Variants in POU6F1 observed in about 807,000 individuals in gnomAD.
POU6F1 encodes POU class 6 homeobox 1, also known as POU domain, class 6, transcription factor 1.
A neutral mutation model predicts 28.9 loss-of-function variants in POU6F1; 9 were observed. The observed-to-expected ratio is 0.31, with a 90% confidence interval of 0.19 to 0.54. The LOEUF (loss-of-function observed/expected upper bound fraction) is 0.54, where lower values mean the gene tolerates loss of function less well. Ranked by LOEUF, POU6F1 falls within the 20% of genes least tolerant of loss-of-function variation. POU6F1 has a pLI of 0.94. For missense variants in POU6F1, 338 were observed against 426.1 expected (o/e 0.79, Z 1.82); for synonymous variants, 173 against 171.1 (o/e 1.01, Z -0.09).
At chr12:51,194,192 A>C (rs1942647040) in intron 8 of POU6F1, among the ~76,000 whole-genome samples, 1 of 152,038 alleles carries the variant, frequency 6.6e-6, no homozygotes, top group Non-Finnish European at 1.5e-5. Flanking sequence ...ACACCTGGCT[A>C]ATTTTTGTAT....
chr12:51,215,320 C>T (rs1944225739), intron 1 of POU6F1, among the ~76,000 whole-genome samples: 1 of 151,568 alleles, frequency 6.6e-6, no homozygotes, highest in South Asian at 2.1e-4. Flanking sequence ...TTTGGGAGGC[C>T]GAGGCGGGCG....
At chr12:51,194,273 C>T (rs886671762) in intron 8 of POU6F1, among the ~76,000 whole-genome samples, 1 of 152,100 alleles carries the variant, frequency 6.6e-6, no homozygotes, top group African/African-American at 2.4e-5. Flanking sequence ...GTGATCCACC[C>T]GCCTCGGCCT....
rs1184463496 is a variant in POU6F1, at chr12:51,196,145, T to C, written c.1004A>G (p.Asn335Ser). The C allele has an allele frequency of 6.4e-7, 1 of 1,550,406 alleles. No individual in the cohort carries two copies. The highest frequency in any genetic ancestry group is 8.7e-7 in the Non-Finnish European group (1 of 1,151,360). ...QVIGTLPWVV[N>S]SASVAAPAPA... ...TGCTGGGGCCGCCACACTAGCTGAG[T>C]TCACTACCCATGGAAGGGTTCCAAT... The change falls in exon 8 of 11, where the codon AAC becomes AGC. Residue 335 changes from asparagine to serine, a missense_variant. By Grantham distance (46) the Asn-to-Ser change is conservative. Coordinates refer to ENST00000333640, the MANE Select transcript of POU6F1 (RefSeq NM_001330422.2).
intron 1 of POU6F1, among the ~76,000 whole-genome samples, chr12:51,208,236 C>T (rs551658884): frequency 2.0e-5 from 3 of 151,606 alleles, no homozygotes; most frequent in Non-Finnish European, 1.5e-5. Context: ...GCCTGGGAGG[C>T]AGAGGTTGCA....
Position 51,190,444 on chromosome 12 carries a change from G to A in POU6F1, c.1639C>T (p.Arg547Cys), listed in dbSNP as rs1942321854. 7 of 1,614,154 alleles carry A rather than the reference G, an allele frequency of 4.3e-6. No individual in the cohort carries two copies. Among genetic ancestry groups the A allele is most frequent in the African/African-American group, 2.7e-5 (2 of 75,018 alleles). ...VGGEPSKKRK[R>C]RTSFTPQAIE... ...GCCTGGGGGGTGAAGGAGGTGCGGC[G>A]TTTGCGTTTCTTGGAGGGCTCGCCT... Residue 547 changes from arginine (R) to cysteine (C), a missense_variant, in exon 11 of 11, where the codon CGC becomes TGC. By Grantham distance (180) the Arg-to-Cys change is radical. Around this residue, in one of 3 missense-constraint regions of POU6F1, gnomAD observed 126 missense variants for 176.5 expected, o/e 0.71. Coordinates refer to ENST00000333640, the MANE Select transcript of POU6F1 (RefSeq NM_001330422.2). The surrounding 1 kb of genome is among the most constrained non-coding windows in gnomAD (Gnocchi z 4.5).
Position 51,187,228 on chromosome 12 carries a change from T to A in POU6F1, c.*3019A>T, listed in dbSNP as rs976616946. On this transcript the variant is annotated 3_prime_UTR_variant, in exon 11 of 11. Coordinates refer to ENST00000333640, the MANE Select transcript of POU6F1 (RefSeq NM_001330422.2). ...ACTTCACCTGGATAAAATGCCGTGG[T>A]AATGCAGGGTCAAAGGCCCTAGCTG... The A allele has an allele frequency of 6.6e-5, 10 of 152,246 alleles. No homozygotes were observed. The highest frequency in any genetic ancestry group is 2.4e-4 in the African/African-American group (10 of 41,468). The allele number at this position is 152,246 out of a possible 1,614,324, so 9.4% of individuals were successfully genotyped here.
At chr12:51,194,046 A>G (rs1365247942) in intron 8 of POU6F1, among the ~76,000 whole-genome samples, 1 of 151,584 alleles carries the variant, frequency 6.6e-6, no homozygotes, top group Non-Finnish European at 1.5e-5. Flanking sequence ...TTTTTTTTTG[A>G]GACGGAGTCT....
At chr12:51,204,397 G>C in intron 2 of POU6F1, 29 bp from the exon 3 acceptor site, 1 of 399,104 alleles carries the variant, frequency 2.5e-6, no homozygotes. Flanking sequence ...GGCACTGTTG[G>C]GATAGGGGCC....
chr12:51,203,989 C>A (rs567816939), intron 3 of POU6F1, among the ~76,000 whole-genome samples, 184 bp downstream of exon 3: 1 of 152,152 alleles, frequency 6.6e-6, no homozygotes, highest in African/African-American at 2.4e-5. Context: ...AGAACTAAAG[C>A]TCCAGAAACA....
Position 51,192,445 on chromosome 12 carries a change from G to A in POU6F1, c.1206C>T (p.Thr402=), listed in dbSNP as rs765412173. 9 of 1,613,622 alleles carry A rather than the reference G, an allele frequency of 5.6e-6. No homozygotes were observed. The highest frequency in any genetic ancestry group is 4.4e-5 in the South Asian group (4 of 91,062). ...CAATGACCACAGCAGGCTGGGGCAC[G>A]GTTGGTGTGGGCTGGATGGGCTGCA... ...SEVQPIQPTP[T]VPQPAVVIAS... is the part of the protein sequence containing the mutation. Residue 402 remains threonine, a synonymous_variant, in exon 9 of 11, where the codon ACC becomes ACT. Coordinates refer to ENST00000333640, the MANE Select transcript of POU6F1 (RefSeq NM_001330422.2).
chr12:51,204,602 A>G (rs997841209), intron 2 of POU6F1, among the ~76,000 whole-genome samples: 1 of 152,162 alleles, frequency 6.6e-6, no homozygotes, highest in Non-Finnish European at 1.5e-5. Flanking sequence ...GAAGGGCCTG[A>G]CGCAAGCTAG....
In POU6F1 at chr12:51,204,175, G is replaced by A; in HGVS notation, c.242C>T (p.Thr81Ile). 1 of 399,146 alleles carries A rather than the reference G, an allele frequency of 2.5e-6. No homozygotes were observed. The highest frequency in any genetic ancestry group is 4.4e-6 in the Non-Finnish European group (1 of 226,206). The allele number at this position is 399,146 out of a possible 1,614,324, so 24.7% of individuals were successfully genotyped here. A position where few individuals can be genotyped will look rare whatever the true frequency, so the allele number is the denominator to read the frequency against. ...AGGTGGGGGTGATGGCCTCGTACCA[G>A]TTGCCTCTGCAGAGGAGCCCAGGTT... Reference protein sequence around the residue: ...PDNLGSSAEATVKSPPGIPPS... With the variant: ...PDNLGSSAEAIVKSPPGIPPS... The change falls in exon 3 of 11, where the codon ACT becomes ATT. Residue 81 changes from threonine to isoleucine, a missense_variant and splice_region_variant. Physicochemically the swap from Thr to Ile is moderately conservative, Grantham distance 89. Transcript: ENST00000333640.
chr12:51,192,311 T>G lies in POU6F1; in HGVS notation c.1321+19A>C, dbSNP rs1289022932. 6.2e-7 allele frequency: 1 copy of G among 1,612,960 alleles called. No individual in the cohort carries two copies. The highest frequency in any genetic ancestry group is 8.5e-7 in the Non-Finnish European group (1 of 1,179,260). ...ATGCCTCCCCACTTCTCCACACTAC[T>G]TCTCCAGGAGCCACTTACTGGACAC... On this transcript the variant is annotated intron_variant, in intron 9 of 10. Coordinates refer to ENST00000333640, the MANE Select transcript of POU6F1 (RefSeq NM_001330422.2).
Position 51,187,324 on chromosome 12 carries a change from T to C in POU6F1, c.*2923A>G, listed in dbSNP as rs1942085610. ...AACAAAACTCCACACAGTTAAACCATTTCTGTCCATTCTCCTCTCTTTCCA... is the reference window on the plus strand; with the variant it reads ...AACAAAACTCCACACAGTTAAACCACTTCTGTCCATTCTCCTCTCTTTCCA... On this transcript the variant is annotated 3_prime_UTR_variant, in exon 11 of 11. Transcript: ENST00000333640. 6.6e-6 allele frequency: 1 copy of C among 152,206 alleles called. No homozygotes were observed. Among genetic ancestry groups the C allele is most frequent in the Admixed American group, 6.5e-5 (1 of 15,280 alleles). The allele number at this position is 152,206 out of a possible 1,614,324, so 9.4% of individuals were successfully genotyped here.
At chr12:51,215,067 TG>T (rs1944210954) in intron 1 of POU6F1, among the ~76,000 whole-genome samples, 1 of 152,310 alleles carries the variant, frequency 6.6e-6, no homozygotes, top group Admixed American at 6.5e-5. Flanking sequence ...ATCATATCCC[TG>T]GTGCCTAAGA....
At position 51,212,589 on chromosome 12, in the gene POU6F1, T is replaced by C. The variant is rs190791236; in HGVS notation, c.-48+5053A>G. Reference sequence around the variant, plus strand: ...TGAGGACGGGAGTTCGAGACCAGTCTGATCAACATGGAGAAACCCCGTCTC... The same window carrying C: ...TGAGGACGGGAGTTCGAGACCAGTCCGATCAACATGGAGAAACCCCGTCTC... On this transcript the variant is annotated intron_variant, in intron 1 of 10. Transcript: ENST00000333640. Among the ~76,000 whole-genome samples, 1,052 of 149,668 alleles carry C rather than the reference T, an allele frequency of 7.0e-3. 14 individuals carry two copies. The highest frequency in any genetic ancestry group is 0.024 in the African/African-American group (992 of 40,982).
In POU6F1 at chr12:51,190,361, G is replaced by A. The variant is rs1942312328; in HGVS notation, c.1722C>T (p.Ile574=). The stretch of plus-strand genomic sequence containing the variant: ...AGTTGAGCTCCTTAGCAATTTCAGT[G>A]ATCTCCTGGCCTGTGGGCAGTGGGT... The part of the protein sequence containing the change: ...EKNPLPTGQE[I]TEIAKELNYD... Residue 574 remains isoleucine, a synonymous_variant, in exon 11 of 11, where the codon ATC becomes ATT. Transcript: ENST00000333640. The surrounding 1 kb of genome is among the most constrained non-coding windows in gnomAD (Gnocchi z 4.5). 1.1e-5 allele frequency: 17 copies of A among 1,614,058 alleles called. No homozygotes were observed. The highest frequency in any genetic ancestry group is 2.2e-5 in the East Asian group (1 of 44,892).
At position 51,189,955 on chromosome 12, in the gene POU6F1, CT is replaced by C; in HGVS notation, c.*291del. The C allele has an allele frequency of 2.4e-6, 1 of 420,168 alleles. No homozygotes were observed. Among genetic ancestry groups the C allele is most frequent in the Non-Finnish European group, 4.3e-6 (1 of 233,644 alleles). 26.0% of individuals were successfully genotyped at this position (420,168 alleles called of 1,614,324 possible). A position where few individuals can be genotyped will look rare whatever the true frequency, so the allele number is the denominator to read the frequency against. On this transcript the variant is annotated 3_prime_UTR_variant, in exon 11 of 11. Transcript: ENST00000333640. ...TTCTGGTTCCCCACCAGAATTCACCCTTCAGAAACCATGCTAGCAAGGTGCT... is the reference window on the plus strand; with the variant it reads ...TTCTGGTTCCCCACCAGAATTCACCCTCAGAAACCATGCTAGCAAGGTGCT...
At position 51,196,156 on chromosome 12, in the gene POU6F1, T is replaced by C. The variant is rs761821897; in HGVS notation, c.993A>G (p.Pro331=). ...CCACACTAGCTGAGTTCACTACCCA[T>C]GGAAGGGTTCCAATAACCTGGGAGG... The part of the protein sequence containing the change: ...NAQGQVIGTL[P]WVVNSASVAA... Residue 331 remains proline (P), a synonymous_variant, in exon 8 of 11, where the codon CCA becomes CCG. Transcript: ENST00000333640. The C allele has an allele frequency of 1.3e-6, 2 of 1,528,440 alleles. No individual in the cohort carries two copies. Among genetic ancestry groups the C allele is most frequent in the African/African-American group, 1.4e-5 (1 of 72,106 alleles). The allele number at this position is 1,528,440 out of a possible 1,614,324, so 94.7% of individuals were successfully genotyped here.
Sources: allele counts gnomAD v4.1 joint callset (sites outside exome capture counted in the v4.1 genomes callset), GRCh38; gene constraint gnomAD v4.1.1; regional missense constraint gnomAD v4.1.1; non-coding constraint Gnocchi (gnomAD v3.1); transcripts MANE v1.5; gene names NCBI Gene and HGNC (gene_info 2026-07-23, HGNC 2026-07-21).